Variants in LAMC3 observed in about 807,000 individuals in gnomAD.
LAMC3 encodes the protein laminin subunit gamma-3.
A neutral mutation model predicts 173.8 loss-of-function variants in LAMC3; 128 were observed. The ratio of observed to expected loss-of-function variants is 0.74; its 90% CI spans 0.64 to 0.85. LAMC3 has a LOEUF of 0.85. LAMC3 is among the 40% of genes least tolerant of loss of function. LAMC3 has a pLI of 0.00. For synonymous variants in LAMC3, 897 were observed against 909.1 expected (o/e 0.99, Z 0.24); for missense variants, 2,022 against 2,156.0 (o/e 0.94, Z 1.23).
intron 13 of LAMC3, among the ~76,000 whole-genome samples, chr9:131,064,427 G>T (rs1016560476): frequency 2.8e-4 from 42 of 152,310 alleles, no homozygotes; most frequent in Admixed American, 4.6e-4. Context: ...ACTTTGGGAG[G>T]CTGAGGCGGG....
chr9:131,037,823 T>C (rs1050851530), intron 4 of LAMC3, among the ~76,000 whole-genome samples: 1 of 152,162 alleles, frequency 6.6e-6, no homozygotes, highest in Non-Finnish European at 1.5e-5. Flanking sequence ...TTTAGTAACA[T>C]CTATTCCCTG....
intron 4 of LAMC3, among the ~76,000 whole-genome samples, chr9:131,038,401 G>A (rs1477893669): frequency 1.3e-5 from 2 of 152,200 alleles, no homozygotes; most frequent in Non-Finnish European, 2.9e-5. Flanking sequence ...CCTGCACACA[G>A]ACTTTTAAAA....
rs576375927 is a variant in LAMC3, at chr9:131,026,463, C to T, written c.552C>T (p.Asp184=). The part of the protein sequence containing the change: ...PEGQYLRPGE[D]ERVAFCTSEF... ...GCCAGTACCTGCGCCCCGGCGAGGA[C>T]GAGCGCGTGGCCTTCTGCACCTCTG... Residue 184 remains aspartate, a synonymous_variant, in exon 2 of 28, where the codon GAC becomes GAT. Coordinates refer to ENST00000361069, the MANE Select transcript of LAMC3 (RefSeq NM_006059.4). This position sits in a 1 kb window ranked among gnomAD's most constrained non-coding sequence, Gnocchi z 4.8. The T allele has an allele frequency of 5.1e-5, 82 of 1,613,532 alleles. No homozygotes were observed. Among genetic ancestry groups the T allele is most frequent in the South Asian group, 4.3e-4 (39 of 91,072 alleles).
At position 131,065,059 on chromosome 9, in the gene LAMC3, A is replaced by AAAAG. The variant is rs57431746; in HGVS notation, c.2348-1901_2348-1900insAAAG. Among the ~76,000 whole-genome samples, 112 of 135,288 alleles carry AAAAG rather than the reference A, an allele frequency of 8.3e-4. 7 individuals are homozygous for AAAAG. Among genetic ancestry groups the AAAAG allele is most frequent in the East Asian group, 2.9e-3 (14 of 4,816 alleles). 88.8% of individuals were successfully genotyped at this position (135,288 alleles called of 152,430 possible). A position where few individuals can be genotyped will look rare whatever the true frequency, so the allele number is the denominator to read the frequency against. The stretch of plus-strand genomic sequence containing the variant: ...CCATCTAAAAAAAAAAAAAAAAAAA[A>AAAAG]GAAAAGGAAAGAAAAAATCATGTAA... On this transcript the variant is annotated intron_variant, in intron 13 of 27. Coordinates refer to ENST00000361069, the MANE Select transcript of LAMC3 (RefSeq NM_006059.4).
intron 1 of LAMC3, among the ~76,000 whole-genome samples, chr9:131,015,566 C>T (rs996271132): frequency 6.6e-5 from 10 of 152,216 alleles, no homozygotes; most frequent in African/African-American, 1.4e-4. Flanking sequence ...TTTGAGCAGC[C>T]GCCTTGACAC....
At chr9:131,091,190 A>G (rs1360960849) in intron 27 of LAMC3, among the ~76,000 whole-genome samples, 4 of 152,236 alleles carry the variant, frequency 2.6e-5, no homozygotes, top group African/African-American at 2.4e-5. Flanking sequence ...AGCTGGCAAA[A>G]ATCACAGGGG....
Position 131,026,683 on chromosome 9 carries a change from G to A in LAMC3, c.678+94G>A. 7.0e-7 allele frequency: 1 copy of A among 1,438,676 alleles called. No homozygotes were observed. Among genetic ancestry groups the A allele is most frequent in the Non-Finnish European group, 9.1e-7 (1 of 1,100,118 alleles). 89.1% of individuals were successfully genotyped at this position (1,438,676 alleles called of 1,614,324 possible). A position where few individuals can be genotyped will look rare whatever the true frequency, so the allele number is the denominator to read the frequency against. ...GATGTGCCAGGACACACAGGGTGGG[G>A]GACCTGCAAAACCCCATGGTTTTCT... On this transcript the variant is annotated intron_variant, in intron 2 of 27. Coordinates refer to ENST00000361069, the MANE Select transcript of LAMC3 (RefSeq NM_006059.4). The surrounding 1 kb of genome is among the most constrained non-coding windows in gnomAD (Gnocchi z 4.8).
At chr9:131,041,616 C>T in intron 6 of LAMC3, 21 bp from the exon 7 acceptor site, 1 of 1,610,404 alleles carries the variant, frequency 6.2e-7, no homozygotes, top group South Asian at 1.1e-5. Context: ...ACATTTTCCT[C>T]TTGTCCTGTC....
rs1019800729 is a variant in LAMC3 at position 131,026,517 on chromosome 9, C to A, written c.606C>A (p.Gly202=). ...SEFSDISPLS[G]GNVAFSTLEG... ...TCAGCGACATCTCCCCGCTGAGTGGCGGCAACGTGGCCTTCTCCACCCTGG... is the reference window on the plus strand; with the variant it reads ...TCAGCGACATCTCCCCGCTGAGTGGAGGCAACGTGGCCTTCTCCACCCTGG... Residue 202 remains glycine, a synonymous_variant, in exon 2 of 28, where the codon GGC becomes GGA. Coordinates refer to ENST00000361069, the MANE Select transcript of LAMC3 (RefSeq NM_006059.4). The surrounding 1 kb of genome is among the most constrained non-coding windows in gnomAD (Gnocchi z 4.8). 13 of 1,612,316 alleles carry A rather than the reference C, an allele frequency of 8.1e-6. No homozygotes were observed. The highest frequency in any genetic ancestry group is 1.1e-5 in the Non-Finnish European group (13 of 1,179,650).
intron 1 of LAMC3, among the ~76,000 whole-genome samples, chr9:131,011,219 A>G (rs1358479450): frequency 6.6e-6 from 1 of 152,238 alleles, no homozygotes; most frequent in African/African-American, 2.4e-5. Context: ...TCGTCTTTCT[A>G]AAAGCTGAAA....
chr9:131,059,295 A>G (rs1220413600), intron 12 of LAMC3, among the ~76,000 whole-genome samples: 1 of 151,920 alleles, frequency 6.6e-6, no homozygotes, highest in Non-Finnish European at 1.5e-5. Flanking sequence ...GATCGAGACC[A>G]TCCTGGCTAA....
At chr9:131,072,359 A>C (rs551914501) in intron 18 of LAMC3, among the ~76,000 whole-genome samples, 64 of 152,248 alleles carry the variant, frequency 4.2e-4, no homozygotes, top group African/African-American at 1.4e-3. Flanking sequence ...AAGGGTCCAG[A>C]ATTGCTTGTG....
intron 11 of LAMC3, 37 bp from the exon 12 acceptor site, chr9:131,056,892 T>G (rs778140334): frequency 2.6e-6 from 4 of 1,546,100 alleles, no homozygotes; most frequent in Non-Finnish European, 3.6e-6. Context: ...AGGGAGCTTG[T>G]GCCTCCTCTC....
intron 18 of LAMC3, 101 bp from the exon 19 acceptor site, chr9:131,072,529 T>C: frequency 4.2e-6 from 4 of 947,090 alleles, no homozygotes; most frequent in Non-Finnish European, 6.6e-6. Flanking sequence ...GGGCTGCTGA[T>C]GCCTGGGGAA....
chr9:131,064,784 C>T (rs1276546490), intron 13 of LAMC3, among the ~76,000 whole-genome samples: 2 of 151,970 alleles, frequency 1.3e-5, no homozygotes, highest in Admixed American at 1.3e-4. Flanking sequence ...ACCTGTAATC[C>T]CAGCACTTTG....
chr9:131,039,213 G>C lies in LAMC3; in HGVS notation c.1248G>C (p.Leu416=), dbSNP rs1833999583. 7.5e-6 allele frequency: 12 copies of C among 1,607,558 alleles called. No homozygotes were observed. The highest frequency in any genetic ancestry group is 1.0e-5 in the Non-Finnish European group (12 of 1,179,984). Residue 416 remains leucine, a synonymous_variant, in exon 6 of 28, where the codon CTG becomes CTC. Transcript: ENST00000361069. ...TVTGWKCDRC[L]PGFHSLSEGG... ...CTGGCTGGAAGTGTGACCGCTGTCT[G>C]CCCGGGTTCCACTCGCTCAGTGAGG...
At position 131,068,924 on chromosome 9, in the gene LAMC3, C is replaced by T. The variant is rs753740635; in HGVS notation, c.2764C>T (p.Leu922=). 1 of 1,614,108 alleles carries T rather than the reference C, an allele frequency of 6.2e-7. No homozygotes were observed. The highest frequency in any genetic ancestry group is 8.5e-7 in the Non-Finnish European group (1 of 1,180,032). Residue 922 remains leucine, a synonymous_variant, in exon 16 of 28, where the codon CTG becomes TTG. Transcript: ENST00000361069. ...TGATCACAGCTGCAAGTGTCACCCA[C>T]TGGGCTCCCAGGAGGACCAGTGCCA... ...RGCRSCKCHP[L]GSQEDQCHPK...
chr9:131,029,071 G>A lies in LAMC3; in HGVS notation c.678+2482G>A, dbSNP rs1210091428. Reference sequence around the variant, plus strand: ...AGGTGAAGCCGATTCTGTGTGGCCCGAGGCCCCCACCGCAAATCACATCAT... The same window carrying A: ...AGGTGAAGCCGATTCTGTGTGGCCCAAGGCCCCCACCGCAAATCACATCAT... On this transcript the variant is annotated intron_variant, in intron 2 of 27. Transcript: ENST00000361069. The surrounding 1 kb of genome is among the most constrained non-coding windows in gnomAD (Gnocchi z 4.6). Among the ~76,000 whole-genome samples, 1 of 152,148 alleles carries A rather than the reference G, an allele frequency of 6.6e-6. No individual in the cohort carries two copies. The highest frequency in any genetic ancestry group is 6.5e-5 in the Admixed American group (1 of 15,272).
In LAMC3 at chr9:131,075,471, G is replaced by A. The variant is rs184890804; in HGVS notation, c.3495-360G>A. 5.8e-3 allele frequency among the ~76,000 whole-genome samples: 881 copies of A among 151,812 alleles called. 8 individuals carry two copies. Among genetic ancestry groups the A allele is most frequent in the African/African-American group, 0.02 (843 of 41,366 alleles). On this transcript the variant is annotated intron_variant, in intron 20 of 27. Transcript: ENST00000361069. ...CCCAGCTACTCGGGAGGCTGAGGTA[G>A]GAGAATCACTTGAGCCCAGGAGGGG...
Sources: allele counts gnomAD v4.1 joint callset (sites outside exome capture counted in the v4.1 genomes callset), GRCh38; gene constraint gnomAD v4.1.1; non-coding constraint Gnocchi (gnomAD v3.1); transcripts MANE v1.5; gene names NCBI Gene and HGNC (gene_info 2026-07-23, HGNC 2026-07-21).